CD99: variants seen among roughly 807,000 people sequenced by gnomAD.
CD99 encodes CD99 antigen.
In CD99, 19 loss-of-function variants were observed where a neutral mutation model predicts 28.4. The ratio of observed to expected loss-of-function variants is 0.67; its 90% CI spans 0.47 to 0.98. CD99 has a LOEUF of 0.98. Ranked by LOEUF, CD99 falls within the 50% of genes least tolerant of loss-of-function variation. The pLI, the probability that CD99 is intolerant of heterozygous loss-of-function variation, is 0.00. For synonymous variants in CD99, 103 were observed against 92.1 expected (o/e 1.12, Z -0.67); for missense variants, 283 against 248.8 (o/e 1.14, Z -0.92).
intron 2 of CD99, among the ~76,000 whole-genome samples, chrX:2,715,862 G>T (rs2048681929): frequency 6.6e-6 from 1 of 151,980 alleles, no homozygotes; most frequent in East Asian, 1.9e-4. Flanking sequence ...TTCCTATAAG[G>T]GCACCAGTCA....
chrX:2,714,627 C>T (rs1042500696), intron 2 of CD99, 173 bp downstream of exon 2: 10 of 552,382 alleles, frequency 1.8e-5, no homozygotes, highest in Non-Finnish European at 3.3e-5. Context: ...CAACTGTAGT[C>T]TATTAAGTAT....
intron 4 of CD99, 134 bp from the exon 5 acceptor site, chrX:2,720,221 GT>G: frequency 1.4e-6 from 1 of 723,950 alleles, no homozygotes. Flanking sequence ...AGGAGACTGT[GT>G]GTGTACAGGT....
chrX:2,695,250 G>A (rs1321410197), intron 1 of CD99, among the ~76,000 whole-genome samples: 1 of 151,906 alleles, frequency 6.6e-6, no homozygotes, highest in Non-Finnish European at 1.5e-5. Flanking sequence ...CTGTTGTCCA[G>A]GCTGGAGTGA....
chrX:2,719,366 C>T (rs1256835147), intron 3 of CD99: 3 of 415,772 alleles, frequency 7.2e-6, no homozygotes, highest in Non-Finnish European at 1.3e-5. Context: ...CAACACAATT[C>T]ATTTATAAAT....
rs1198377426 is a variant in CD99 at position 2,726,905 on chromosome X, C to T, written c.475+532C>T. Among the ~76,000 whole-genome samples, 5 of 152,212 alleles carry T rather than the reference C, an allele frequency of 3.3e-5. No homozygotes were observed. The East Asian group carries it at 5.8e-4, about 18-fold the overall frequency. On this transcript the variant is annotated intron_variant, in intron 8 of 9. Transcript: ENST00000381192. ...ATCCCAGCACTTTGGGAGGCCGAGA[C>T]GGGCGGATCACGAGGTCAGGAGGAG...
Position 2,691,402 on chromosome X carries a change from G to C in CD99, c.42G>C (p.Leu14=), listed in dbSNP as rs1270521838. 6.3e-7 allele frequency: 1 copy of C among 1,585,088 alleles called. No individual in the cohort carries two copies. The highest frequency in any genetic ancestry group is 8.5e-7 in the Non-Finnish European group (1 of 1,174,774). The change falls in exon 1 of 10, where the codon CTG becomes CTC. Residue 14 remains leucine, a synonymous_variant. Transcript: ENST00000381192. ...GAALALLLFG[L]LGVLVAAPDG... ...CGCTGGCGCTGCTGCTCTTCGGCCT[G>C]CTGGGTGTTCTGGTCGCCGCCCCGG...
chrX:2,713,421 A>G (rs2048536994), intron 1 of CD99, among the ~76,000 whole-genome samples: 1 of 151,964 alleles, frequency 6.6e-6, no homozygotes, highest in Non-Finnish European at 1.5e-5. Context: ...ACCTGCCTAT[A>G]TGCACCCACA....
intron 1 of CD99, among the ~76,000 whole-genome samples, chrX:2,706,796 T>C (rs1359218737): frequency 1.3e-5 from 2 of 152,106 alleles, no homozygotes; most frequent in African/African-American, 2.4e-5. Flanking sequence ...ACAGGAATCT[T>C]GGAACTGCCT....
At chrX:2,713,370 C>T (rs771050313) in intron 1 of CD99, among the ~76,000 whole-genome samples, 11 of 149,224 alleles carry the variant, frequency 7.4e-5, no homozygotes, top group Non-Finnish European at 1.0e-4. Context: ...ACACAAAACA[C>T]GCCTACACAT....
chrX:2,693,362 G>A (rs1488775354), intron 1 of CD99, among the ~76,000 whole-genome samples: 1 of 151,976 alleles, frequency 6.6e-6, no homozygotes, highest in East Asian at 1.9e-4. Context: ...GTAGGGAAGA[G>A]CAGTGGGATA....
At chrX:2,717,454 A>G in intron 2 of CD99, 151 bp from the exon 3 acceptor site, 1 of 660,762 alleles carries the variant, frequency 1.5e-6, no homozygotes, top group Non-Finnish European at 2.7e-6. Context: ...CGTTGTATAA[A>G]CCTCAGCTCG....
chrX:2,720,722 T>C (rs1271045859), intron 5 of CD99, among the ~76,000 whole-genome samples: 1 of 150,356 alleles, frequency 6.7e-6, no homozygotes, highest in Non-Finnish European at 1.5e-5. Flanking sequence ...CCTACTGGGT[T>C]CAAGTGATTC....
At chrX:2,722,593 A>G (rs768071545) in intron 5 of CD99, 34 bp from the exon 6 acceptor site, 1 of 1,608,050 alleles carries the variant, frequency 6.2e-7, no homozygotes, top group Non-Finnish European at 8.5e-7. Context: ...GAGGAGTTCC[A>G]GGTTGACAGG....
intron 3 of CD99, chrX:2,717,867 C>A (rs1372723221): frequency 6.9e-6 from 4 of 582,218 alleles, no homozygotes; most frequent in Non-Finnish European, 9.3e-6. Flanking sequence ...TGTTTCGGGG[C>A]CATTTGGACA....
At chrX:2,726,740 T>C (rs1486146682) in intron 8 of CD99, among the ~76,000 whole-genome samples, 1 of 152,182 alleles carries the variant, frequency 6.6e-6, no homozygotes, top group African/African-American at 2.4e-5. Flanking sequence ...CACTTAGCTC[T>C]GATCATTCCT....
intron 1 of CD99, among the ~76,000 whole-genome samples, chrX:2,699,657 A>C (rs1204672136): frequency 6.6e-6 from 1 of 151,944 alleles, no homozygotes; most frequent in African/African-American, 2.4e-5. Flanking sequence ...GGGTCTCCCT[A>C]TGTTGCCCAG....
chrX:2,718,782 C>A (rs1249881072), intron 3 of CD99, among the ~76,000 whole-genome samples: 3 of 152,178 alleles, frequency 2.0e-5, no homozygotes, highest in Non-Finnish European at 2.9e-5. Context: ...AAACTTATGG[C>A]ATCAGTGTCT....
chrX:2,723,566 C>T lies in CD99; in HGVS notation c.361+202C>T, dbSNP rs1419756452. On this transcript the variant is annotated intron_variant, in intron 7 of 9. Coordinates refer to ENST00000381192, the MANE Select transcript of CD99 (RefSeq NM_002414.5). ...AAACCAGCCCTGCTCCGGGTGCCCACGTGACGCGGATTTTATGTTTGGTCA... is the reference window on the plus strand; with the variant it reads ...AAACCAGCCCTGCTCCGGGTGCCCATGTGACGCGGATTTTATGTTTGGTCA... 4.1e-5 allele frequency: 26 copies of T among 637,910 alleles called. 1 individual carries two copies. Among genetic ancestry groups the T allele is most frequent in the Admixed American group, 2.8e-5 (1 of 36,150 alleles). 39.5% of individuals were successfully genotyped at this position (637,910 alleles called of 1,614,324 possible).
intron 1 of CD99, among the ~76,000 whole-genome samples, chrX:2,710,059 G>A (rs2048326932): frequency 6.6e-6 from 1 of 152,214 alleles, no homozygotes; most frequent in Non-Finnish European, 1.5e-5. Flanking sequence ...CGATTTTGCA[G>A]CTGACATGCC....
Sources: gnomAD v4.1 joint callset for allele counts (sites outside exome capture counted in the v4.1 genomes callset) on GRCh38, gnomAD v4.1.1 for gene constraint, MANE v1.5 for transcripts, NCBI Gene and HGNC (gene_info 2026-07-23, HGNC 2026-07-21) for gene names.